Variants in HOXC4 observed in about 807,000 individuals in gnomAD.
HOXC4 encodes homeobox protein Hox-C4.
HOXC4 carries 15 observed loss-of-function variants against 25.5 expected under a neutral mutation model. The ratio of observed to expected loss-of-function variants is 0.59; its 90% CI spans 0.39 to 0.91. The LOEUF is 0.91. Among genes scored for constraint, HOXC4 ranks in the 40% least tolerant of loss-of-function variants. HOXC4 has a pLI of 0.00. For synonymous variants in HOXC4, 165 were observed against 148.0 expected (o/e 1.11, Z -0.83); for missense variants, 342 against 352.4 (o/e 0.97, Z 0.24).
intron 1 of HOXC4, chr12:54,033,020 A>G: frequency 2.3e-6 from 2 of 881,360 alleles, no homozygotes; most frequent in Non-Finnish European, 1.8e-6. Context: ...ATCTCCACCT[A>G]TAAATTGTCC....
chr12:54,017,133 C>G (rs1465517686), exon 1 of HOXC4: 1 of 152,216 alleles, frequency 6.6e-6, no homozygotes, highest in Admixed American at 6.5e-5. Flanking sequence ...CCCCAAGGGG[C>G]AGGAGGAATG....
intron 1 of HOXC4, among the ~76,000 whole-genome samples, chr12:54,037,182 C>A (rs1175521246): frequency 1.3e-5 from 2 of 152,220 alleles, no homozygotes; most frequent in Non-Finnish European, 2.9e-5. Context: ...GCAACCAAGC[C>A]AGAGGCCTCG....
intron 1 of HOXC4, among the ~76,000 whole-genome samples, chr12:54,042,866 T>G (rs987549095): frequency 1.3e-5 from 2 of 152,220 alleles, no homozygotes; most frequent in Admixed American, 1.3e-4. Context: ...GTACTGATAC[T>G]ATCTCTGCTA....
At chr12:54,028,687 T>C (rs1940842663) in intron 1 of HOXC4, 1 of 1,614,068 alleles carries the variant, frequency 6.2e-7, no homozygotes, top group Non-Finnish European at 8.5e-7. Context: ...TCCCTTTTAT[T>C]CGCCACAGGA....
At chr12:54,045,404 T>C (rs1165381824) in intron 1 of HOXC4, among the ~76,000 whole-genome samples, 1 of 152,242 alleles carries the variant, frequency 6.6e-6, no homozygotes, top group Non-Finnish European at 1.5e-5. Context: ...TTGGTACAGC[T>C]CTCTTGAAAC....
At chr12:54,026,106 A>ATC (rs1447196648) in intron 1 of HOXC4, among the ~76,000 whole-genome samples, 1 of 152,096 alleles carries the variant, frequency 6.6e-6, no homozygotes, top group Non-Finnish European at 1.5e-5. Context: ...CCCTCTAGCA[A>ATC]TCTCTCTCTG....
upstream of HOXC4, among the ~76,000 whole-genome samples, chr12:54,051,270 C>A (rs1937839940): frequency 6.6e-6 from 1 of 151,884 alleles, no homozygotes; most frequent in Non-Finnish European, 1.5e-5. Context: ...TCTTCATCAA[C>A]CCTCTCCACA....
chr12:54,046,413 T>TG (rs1565751361), intron 1 of HOXC4, among the ~76,000 whole-genome samples: 1 of 151,990 alleles, frequency 6.6e-6, no homozygotes, highest in African/African-American at 2.4e-5. Context: ...GGAGGGGGCC[T>TG]GGGGGACAAG....
intron 1 of HOXC4, among the ~76,000 whole-genome samples, chr12:54,022,952 G>A (rs1333042798): frequency 1.3e-5 from 2 of 152,226 alleles, no homozygotes; most frequent in African/African-American, 2.4e-5. Flanking sequence ...TCTTCCTCAT[G>A]TGACATCCTC....
At chr12:54,034,238 A>C in intron 1 of HOXC4, 1 of 1,534,712 alleles carries the variant, frequency 6.5e-7, no homozygotes, top group Non-Finnish European at 9.0e-7. Context: ...GCTGCAAGCT[A>C]TTCACCCCTT....
chr12:54,034,329 A>T (rs766775163), intron 1 of HOXC4: 2 of 1,614,152 alleles, frequency 1.2e-6, no homozygotes, highest in South Asian at 1.1e-5. Context: ...CAGACTCTGG[A>T]ACTCGAGAAA....
In HOXC4 at chr12:54,055,285, AATATAT is replaced by A. The variant is rs60894549; in HGVS notation, c.*102_*107del. The A allele has an allele frequency of 4.3e-3, 988 of 228,010 alleles. 2 individuals carry two copies. Among genetic ancestry groups the A allele is most frequent in the Non-Finnish European group, 5.3e-3 (693 of 131,462 alleles). 14.1% of individuals were successfully genotyped at this position (228,010 alleles called of 1,614,324 possible). A position where few individuals can be genotyped will look rare whatever the true frequency, so the allele number is the denominator to read the frequency against. ...AAATTGACTCTTATTTATAGAATTT[AATATAT>A]ATATATATATATATATATATAGGTT... On this transcript the variant is annotated 3_prime_UTR_variant, in exon 2 of 2. Transcript: ENST00000430889.
intron 1 of HOXC4, chr12:54,021,718 G>A (rs550103951): frequency 4.3e-4 from 65 of 152,376 alleles, no homozygotes; most frequent in African/African-American, 1.5e-3. Flanking sequence ...CAGGCACTGG[G>A]GTGACATTAC....
rs1937965415 is a variant in HOXC4, at chr12:54,055,725, T to C, written c.*520T>C. 2 of 142,544 alleles carry C rather than the reference T, an allele frequency of 1.4e-5. No individual in the cohort carries two copies. The highest frequency in any genetic ancestry group is 7.1e-5 in the Admixed American group (1 of 14,054). The allele number at this position is 142,544 out of a possible 1,614,324, so 8.8% of individuals were successfully genotyped here. ...AGTCATTTTAAGGAGAACAAAGCTA[T>C]GAAGTTCTTTTGTATTATTGTTGGG... is the stretch of plus-strand genomic sequence containing the variant. On this transcript the variant is annotated 3_prime_UTR_variant, in exon 2 of 2. Coordinates refer to ENST00000430889, the MANE Select transcript of HOXC4 (RefSeq NM_153633.3).
rs543688931 is a variant in HOXC4 at position 54,027,883 on chromosome 12, G to T, written c.-124+10469G>T. The stretch of plus-strand genomic sequence containing the variant: ...ACTTACTCAGGGGAACAGGTTTTAT[G>T]AAATTTCTTTCTACTTTTGATTTTT... On this transcript the variant is annotated intron_variant, in intron 1 of 3. Coordinates refer to the HOXC4 transcript ENST00000303406. Among the ~76,000 whole-genome samples, 121 of 152,080 alleles carry T rather than the reference G, an allele frequency of 8.0e-4. 1 individual carries two copies. Among genetic ancestry groups the T allele is most frequent in the Admixed American group, 2.0e-3 (31 of 15,268 alleles).
intron 1 of HOXC4, chr12:54,038,090 G>C (rs1488083983): frequency 6.6e-6 from 1 of 152,118 alleles, no homozygotes; most frequent in Non-Finnish European, 1.5e-5. Flanking sequence ...TTGATAGAAG[G>C]CAGCTCCCAC....
chr12:54,040,340 G>T (rs1196701040), intron 1 of HOXC4, among the ~76,000 whole-genome samples: 1 of 152,084 alleles, frequency 6.6e-6, no homozygotes, highest in Admixed American at 6.5e-5. Flanking sequence ...AACTACTTGG[G>T]TCTCTGTCTC....
Position 54,053,996 on chromosome 12 carries a change from A to G in HOXC4, c.74A>G (p.Gln25Arg). 1 of 1,614,216 alleles carries G rather than the reference A, an allele frequency of 6.2e-7. No homozygotes were observed. Among genetic ancestry groups the G allele is most frequent in the Non-Finnish European group, 8.5e-7 (1 of 1,180,030 alleles). ...PKFPPCEEYS[Q>R]NSYIPEHSPE... ...TTTCCTCCATGCGAAGAATATTCGCAAAATAGCTACATCCCTGAACACAGT... is the reference window on the plus strand; with the variant it reads ...TTTCCTCCATGCGAAGAATATTCGCGAAATAGCTACATCCCTGAACACAGT... The change falls in exon 1 of 2, where the codon CAA becomes CGA. Residue 25 changes from glutamine (Q) to arginine (R), a missense_variant. Coordinates refer to ENST00000430889, the MANE Select transcript of HOXC4 (RefSeq NM_153633.3).
intron 1 of HOXC4, among the ~76,000 whole-genome samples, chr12:54,019,512 A>G (rs542652053): frequency 1.3e-5 from 2 of 151,966 alleles, no homozygotes; most frequent in African/African-American, 2.4e-5. Context: ...TGAGGCCTCT[A>G]TTTCTCTCTT....
Sources: allele counts gnomAD v4.1 joint callset (sites outside exome capture counted in the v4.1 genomes callset), GRCh38; gene constraint gnomAD v4.1.1; transcripts MANE v1.5; gene names NCBI Gene and HGNC (gene_info 2026-07-23, HGNC 2026-07-21).